Variants in PRICKLE2 observed in about 807,000 individuals in gnomAD.
The protein encoded by PRICKLE2 is prickle planar cell polarity protein 2.
PRICKLE2 carries 21 observed loss-of-function variants against 81.4 expected under a neutral mutation model. That is an observed-to-expected ratio of 0.26 (90% confidence interval 0.18 to 0.37). The LOEUF (loss-of-function observed/expected upper bound fraction) is 0.37. Among genes scored for constraint, PRICKLE2 ranks in the 10% least tolerant of loss-of-function variants. The pLI is 1.00. For synonymous variants in PRICKLE2, 456 were observed against 421.5 expected, an observed-to-expected ratio of 1.08 and a Z score of -1.00; for missense variants, 940 against 1,109.0, an observed-to-expected ratio of 0.85 and a Z score of 2.16.
intron 1 of PRICKLE2, among the ~76,000 whole-genome samples, chr3:64,205,608 C>CA (rs146673446): frequency 0.15 from 22,724 of 151,288 alleles, 1,740 homozygotes; most frequent in East Asian, 0.22. Context: ...AGGATGAAGG[C>CA]AAAAAAGGGA....
chr3:64,171,778 G>T (rs1272034736), intron 2 of PRICKLE2, among the ~76,000 whole-genome samples: 3 of 152,180 alleles, frequency 2.0e-5, no homozygotes, highest in Admixed American at 2.0e-4. Context: ...TTCCATCAAA[G>T]CATTTGCTTT....
chr3:64,200,034 A>C (rs1356764202), intron 1 of PRICKLE2: 6 of 152,154 alleles, frequency 3.9e-5, no homozygotes, highest in Admixed American at 3.9e-4. Context: ...CAATTCATGG[A>C]CTCTTAATAC....
chr3:64,149,275 G>C (rs563911300), intron 6 of PRICKLE2, among the ~76,000 whole-genome samples: 1 of 152,142 alleles, frequency 6.6e-6, no homozygotes, highest in East Asian at 1.9e-4. Context: ...AGCTGATCTG[G>C]GGCCCAACAT....
intron 7 of PRICKLE2, among the ~76,000 whole-genome samples, chr3:64,134,112 C>G (rs1485192422): frequency 1.3e-5 from 2 of 152,206 alleles, no homozygotes. Context: ...TACCCCACAC[C>G]ACCCAGCAGC....
At chr3:64,178,794 C>T (rs534700178) in intron 2 of PRICKLE2, among the ~76,000 whole-genome samples, 2 of 152,252 alleles carry the variant, frequency 1.3e-5, no homozygotes, top group East Asian at 3.9e-4. Context: ...CCAACATTTT[C>T]GTTAACCCAT....
At chr3:64,140,691 T>C (rs778327177) in intron 7 of PRICKLE2, among the ~76,000 whole-genome samples, 10 of 152,158 alleles carry the variant, frequency 6.6e-5, no homozygotes, top group Non-Finnish European at 8.8e-5. Flanking sequence ...CCTTGGTGTC[T>C]CTTGCCCAGG....
At chr3:64,120,140 C>T (rs1046659404) in intron 7 of PRICKLE2, among the ~76,000 whole-genome samples, 13 of 152,092 alleles carry the variant, frequency 8.5e-5, no homozygotes, top group Non-Finnish European at 1.5e-4. Flanking sequence ...AGGAATCATA[C>T]CCCAAACCTC....
intron 7 of PRICKLE2, among the ~76,000 whole-genome samples, chr3:64,134,165 T>C (rs2077241121): frequency 1.3e-5 from 2 of 152,170 alleles, no homozygotes; most frequent in Non-Finnish European, 2.9e-5. Flanking sequence ...AGCTGAGGGA[T>C]TGAGAGATTT....
chr3:64,109,946 C>A (rs2076817022), intron 7 of PRICKLE2, among the ~76,000 whole-genome samples: 1 of 152,162 alleles, frequency 6.6e-6, no homozygotes, highest in South Asian at 2.1e-4. Flanking sequence ...TATCCCTTTC[C>A]TTGCTCATCC....
chr3:64,245,401 C>T (rs1018929366), intron 2 of PRICKLE2, among the ~76,000 whole-genome samples: 4 of 152,154 alleles, frequency 2.6e-5, no homozygotes, highest in Non-Finnish European at 4.4e-5. Context: ...GTGGCCCTCA[C>T]CTCTCAGTCT....
At chr3:64,150,156 T>C (rs2077522239) in intron 6 of PRICKLE2, among the ~76,000 whole-genome samples, 1 of 151,826 alleles carries the variant, frequency 6.6e-6, no homozygotes, top group South Asian at 2.1e-4. Flanking sequence ...TGGGACTCTG[T>C]AGTAGTTAAG....
At chr3:64,216,298 G>C (rs926548305) in intron 1 of PRICKLE2, among the ~76,000 whole-genome samples, 1 of 152,118 alleles carries the variant, frequency 6.6e-6, no homozygotes, top group Admixed American at 6.6e-5. Flanking sequence ...TTAAAAAATG[G>C]ACATATGCAC....
chr3:64,162,872 T>G (rs927600154), intron 3 of PRICKLE2, 144 bp downstream of exon 3: 15 of 763,514 alleles, frequency 2.0e-5, no homozygotes, highest in East Asian at 1.5e-4. Flanking sequence ...CCAGTTTATT[T>G]TGGCCCTAAT....
intron 2 of PRICKLE2, among the ~76,000 whole-genome samples, chr3:64,191,725 T>C (rs189930746): frequency 6.6e-6 from 1 of 152,286 alleles, no homozygotes; most frequent in East Asian, 1.9e-4. Flanking sequence ...AAACTGAGGG[T>C]CCCAGAGATT....
intron 7 of PRICKLE2, among the ~76,000 whole-genome samples, chr3:64,112,842 G>A (rs144965017): frequency 6.6e-6 from 1 of 152,160 alleles, no homozygotes; most frequent in Admixed American, 6.5e-5. Flanking sequence ...ATGAGCAAAG[G>A]GGGAGAAGGC....
chr3:64,178,365 C>T (rs1331645457), intron 2 of PRICKLE2, among the ~76,000 whole-genome samples: 2 of 152,174 alleles, frequency 1.3e-5, no homozygotes, highest in Admixed American at 6.6e-5. Flanking sequence ...GATGGGGGCT[C>T]CATATGGAGA....
intron 2 of PRICKLE2, among the ~76,000 whole-genome samples, chr3:64,256,438 T>G (rs920329842): frequency 6.6e-6 from 1 of 152,194 alleles, no homozygotes; most frequent in Non-Finnish European, 1.5e-5. Context: ...CACAAGTACC[T>G]ACATACTAGT....
At chr3:64,186,264 C>T (rs2078230852) in intron 2 of PRICKLE2, among the ~76,000 whole-genome samples, 1 of 152,156 alleles carries the variant, frequency 6.6e-6, no homozygotes, top group Admixed American at 6.6e-5. Flanking sequence ...ATGTTTAAAA[C>T]ATTGTTTCAT....
intron 4 of PRICKLE2, among the ~76,000 whole-genome samples, chr3:64,158,897 C>A (rs1405360413): frequency 6.6e-6 from 1 of 152,200 alleles, no homozygotes; most frequent in African/African-American, 2.4e-5. Flanking sequence ...GGGCAGCATC[C>A]CACCTCCTCT....
Sources: gnomAD v4.1 joint callset for allele counts (sites outside exome capture counted in the v4.1 genomes callset) on GRCh38, gnomAD v4.1.1 for gene constraint, MANE v1.5 for transcripts, NCBI Gene and HGNC (gene_info 2026-07-23, HGNC 2026-07-21) for gene names.